Variants in PTPRD observed in about 807,000 individuals in gnomAD.
PTPRD encodes protein tyrosine phosphatase receptor type D.
PTPRD carries 34 observed loss-of-function variants against 214.5 expected under a neutral mutation model. The observed-to-expected ratio is 0.16, with a 90% CI of 0.12 to 0.21. The LOEUF is 0.21. Ranked by LOEUF, PTPRD falls within the 10% of genes least tolerant of loss-of-function variation. The pLI, the probability that PTPRD is intolerant of heterozygous loss-of-function variation, is 1.00. For synonymous variants in PTPRD, 1,128 were observed against 845.7 expected (o/e 1.33, Z -5.79); for missense variants, 2,545 against 2,398.7 (o/e 1.06, Z -1.27).
intron 3 of PTPRD, among the ~76,000 whole-genome samples, chr9:10,139,581 T>A (rs1235410940): frequency 6.6e-6 from 1 of 151,974 alleles, no homozygotes; most frequent in Non-Finnish European, 1.5e-5. Flanking sequence ...AAGGTATTCT[T>A]AAGCAAACAA....
intron 9 of PTPRD, among the ~76,000 whole-genome samples, chr9:9,385,563 T>C (rs2063617377): frequency 6.6e-6 from 1 of 152,126 alleles, no homozygotes. Context: ...TGAGCAAGTA[T>C]TTCATCCATA....
chr9:9,540,462 G>A (rs1296770684), intron 8 of PTPRD, among the ~76,000 whole-genome samples: 1 of 151,726 alleles, frequency 6.6e-6, no homozygotes, highest in African/African-American at 2.4e-5. Context: ...TGAAGTCTAT[G>A]ATGGAGAAAG....
At chr9:10,067,142 A>G (rs1167684956) in intron 3 of PTPRD, among the ~76,000 whole-genome samples, 2 of 151,912 alleles carry the variant, frequency 1.3e-5, no homozygotes, top group African/African-American at 4.8e-5. Flanking sequence ...AGTGCTTGGC[A>G]TTGTGAATCA....
chr9:8,810,357 T>A (rs968341315), intron 11 of PTPRD, among the ~76,000 whole-genome samples: 1 of 152,200 alleles, frequency 6.6e-6, no homozygotes, highest in Admixed American at 6.5e-5. Flanking sequence ...TTGGTTACCT[T>A]CTTCAAAGGT....
chr9:10,304,565 C>T (rs1450996735), intron 3 of PTPRD, among the ~76,000 whole-genome samples: 1 of 152,078 alleles, frequency 6.6e-6, no homozygotes, highest in Non-Finnish European at 1.5e-5. Context: ...TCAGCAAAGT[C>T]TCAGGATACA....
chr9:9,958,256 G>GCAGTGGCTC (rs1374783959), intron 4 of PTPRD, among the ~76,000 whole-genome samples: 2 of 152,178 alleles, frequency 1.3e-5, no homozygotes, highest in Non-Finnish European at 2.9e-5. Context: ...GTGGCTGGGT[G>GCAGTGGCTC]CAGTGGCTCA....
intron 9 of PTPRD, among the ~76,000 whole-genome samples, chr9:9,241,610 G>A (rs879827841): frequency 6.6e-6 from 1 of 151,974 alleles, no homozygotes; most frequent in Admixed American, 6.6e-5. Context: ...TGTCTTCTTT[G>A]TCTCTTTTGA....
chr9:9,624,626 T>C (rs1245449356), intron 7 of PTPRD, among the ~76,000 whole-genome samples: 1 of 152,074 alleles, frequency 6.6e-6, no homozygotes, highest in Non-Finnish European at 1.5e-5. Flanking sequence ...CATAACTATT[T>C]TGTAACTGTC....
chr9:9,555,062 G>A (rs1201293695), intron 8 of PTPRD, among the ~76,000 whole-genome samples: 5 of 152,050 alleles, frequency 3.3e-5, no homozygotes, highest in African/African-American at 1.2e-4. Flanking sequence ...AGTTCTAAAA[G>A]TGGTTTGTTT....
At chr9:9,400,672 T>C in intron 8 of PTPRD, among the ~76,000 whole-genome samples, 1 of 152,000 alleles carries the variant, frequency 6.6e-6, no homozygotes, top group African/African-American at 2.4e-5. Context: ...ACTAAATATA[T>C]AACTATTGAT....
intron 7 of PTPRD, among the ~76,000 whole-genome samples, chr9:9,640,158 G>A (rs1192658761): frequency 1.3e-5 from 2 of 152,144 alleles, no homozygotes; most frequent in African/African-American, 2.4e-5. Flanking sequence ...GTGGTGTTGG[G>A]CAAAATAAAT....
intron 7 of PTPRD, among the ~76,000 whole-genome samples, chr9:9,623,870 G>A (rs916652188): frequency 6.6e-5 from 10 of 151,944 alleles, no homozygotes; most frequent in Admixed American, 2.0e-4. Context: ...TATTTTTCCC[G>A]TGCAATCTCT....
At chr9:8,504,167 A>G in intron 23 of PTPRD, 94 bp downstream of exon 23, 1 of 1,250,242 alleles carries the variant, frequency 8.0e-7, no homozygotes, top group Non-Finnish European at 1.2e-6. Flanking sequence ...ACTATTAAGC[A>G]TATTAGCAGG....
intron 3 of PTPRD, among the ~76,000 whole-genome samples, chr9:10,170,029 A>G (rs1174000720): frequency 6.6e-6 from 1 of 152,348 alleles, no homozygotes; most frequent in East Asian, 1.9e-4. Context: ...TGCAAGTGAG[A>G]CATTCTTCAA....
rs971193568 is a variant in PTPRD, at chr9:9,674,240, T to C, written c.-287+60293A>G. Among the ~76,000 whole-genome samples, 8 of 151,832 alleles carry C rather than the reference T, an allele frequency of 5.3e-5. No homozygotes were observed. In the East Asian group the frequency reaches 7.7e-4, roughly 15 times the overall value. ...AGGCATTGTTCAGGTATTTTAGGTA[T>C]TGATACTGTTTACAAGGATGGCTTA... On this transcript the variant is annotated intron_variant, in intron 7 of 45. Transcript: ENST00000381196.
chr9:8,318,650 G>T (rs947958378), intron 45 of PTPRD, among the ~76,000 whole-genome samples: 2 of 151,932 alleles, frequency 1.3e-5, no homozygotes, highest in Admixed American at 1.3e-4. Flanking sequence ...AGGACTGGCT[G>T]CCCACATCAA....
At chr9:8,630,509 T>C (rs973620104) in intron 14 of PTPRD, among the ~76,000 whole-genome samples, 1 of 151,874 alleles carries the variant, frequency 6.6e-6, no homozygotes, top group African/African-American at 2.4e-5. Context: ...AAAGGATATA[T>C]AAAAGTATTC....
intron 4 of PTPRD, among the ~76,000 whole-genome samples, chr9:10,005,716 C>T (rs572436884): frequency 8.0e-4 from 121 of 152,108 alleles, no homozygotes; most frequent in African/African-American, 2.9e-3. Context: ...AAAGGTACCT[C>T]GTAATATATA....
intron 6 of PTPRD, among the ~76,000 whole-genome samples, chr9:9,748,850 G>C (rs1034362029): frequency 9.3e-5 from 14 of 151,074 alleles, no homozygotes; most frequent in African/African-American, 3.5e-4. Context: ...TCCACATTTG[G>C]TTCTTTCAGT....
Sources: allele counts gnomAD v4.1 joint callset (sites outside exome capture counted in the v4.1 genomes callset), GRCh38; gene constraint gnomAD v4.1.1; transcripts MANE v1.5; gene names NCBI Gene and HGNC (gene_info 2026-07-23, HGNC 2026-07-21).